CTNNA3: variants seen among roughly 807,000 people sequenced by gnomAD.
The protein encoded by CTNNA3 is catenin alpha 3.
A neutral mutation model predicts 95.7 loss-of-function variants in CTNNA3; 76 were observed. The ratio of observed to expected loss-of-function variants is 0.79; its 90% CI spans 0.66 to 0.96. The LOEUF (loss-of-function observed/expected upper bound fraction) is 0.96, where lower values mean the gene tolerates loss of function less well. Ranked by LOEUF, CTNNA3 falls within the 40% of genes least tolerant of loss-of-function variation. CTNNA3 has a pLI of 0.00. For missense variants in CTNNA3, 1,191 were observed against 1,089.8 expected (o/e 1.09, Z -1.31); for synonymous variants, 431 against 374.4 (o/e 1.15, Z -1.74).
At chr10:66,090,181 A>G (rs2081160956) in intron 14 of CTNNA3, among the ~76,000 whole-genome samples, 1 of 151,980 alleles carries the variant, frequency 6.6e-6, no homozygotes, top group African/African-American at 2.4e-5. Context: ...TCTATAAATT[A>G]ACTAGAAATT....
intron 13 of CTNNA3, among the ~76,000 whole-genome samples, chr10:66,253,385 T>A (rs1316732847): frequency 6.6e-6 from 1 of 152,008 alleles, no homozygotes; most frequent in Admixed American, 6.6e-5. Context: ...TTTCAAGCTT[T>A]GATCATATGT....
intron 11 of CTNNA3, among the ~76,000 whole-genome samples, chr10:66,498,296 A>G (rs1441989825): frequency 1.3e-5 from 2 of 152,104 alleles, no homozygotes; most frequent in East Asian, 3.9e-4. Flanking sequence ...ATAAATATAT[A>G]CTTCCTTATG....
chr10:67,321,654 G>T (rs533732504), intron 5 of CTNNA3, among the ~76,000 whole-genome samples: 51 of 152,220 alleles, frequency 3.4e-4, no homozygotes, highest in Admixed American at 6.5e-4. Context: ...CTCTCTAGAT[G>T]ATCTCAAATG....
At chr10:67,016,783 G>A (rs879458198) in intron 7 of CTNNA3, among the ~76,000 whole-genome samples, 2 of 152,176 alleles carry the variant, frequency 1.3e-5, no homozygotes, top group African/African-American at 4.8e-5. Flanking sequence ...TGCTTTCTTG[G>A]AGATGACAAT....
intron 9 of CTNNA3, among the ~76,000 whole-genome samples, chr10:66,655,609 T>C (rs1388380866): frequency 1.3e-5 from 2 of 152,040 alleles, no homozygotes; most frequent in African/African-American, 4.8e-5. Context: ...AGTCTGGTGA[T>C]AGGATAAGGA....
intron 11 of CTNNA3, among the ~76,000 whole-genome samples, chr10:66,429,953 A>T (rs2093279676): frequency 6.7e-6 from 1 of 150,178 alleles, no homozygotes. Flanking sequence ...GGAAAAGAGG[A>T]AGACAAATTG....
At chr10:66,808,404 A>G (rs975527107) in intron 7 of CTNNA3, among the ~76,000 whole-genome samples, 1 of 152,190 alleles carries the variant, frequency 6.6e-6, no homozygotes, top group African/African-American at 2.4e-5. Context: ...ATATCTGACC[A>G]TACTCAGTGT....
At chr10:66,102,031 C>A (rs931988190) in intron 14 of CTNNA3, among the ~76,000 whole-genome samples, 11 of 151,962 alleles carry the variant, frequency 7.2e-5, no homozygotes, top group African/African-American at 2.7e-4. Context: ...GTTAACCAAA[C>A]GGGTCTTTGC....
Position 67,434,589 on chromosome 10 carries a change from G to A in CTNNA3, c.579+87253C>T, listed in dbSNP as rs528391666. Among the ~76,000 whole-genome samples, 6 of 151,998 alleles carry A rather than the reference G, an allele frequency of 3.9e-5. No individual in the cohort carries two copies. The East Asian group carries it at 1.2e-3, about 29-fold the overall frequency. Reference sequence around the variant, plus strand: ...TATATCCATATATGTGTGTGTCTGTGTGTATATGTTTAAGCCCATTGTAAT... The same window carrying A: ...TATATCCATATATGTGTGTGTCTGTATGTATATGTTTAAGCCCATTGTAAT... On this transcript the variant is annotated intron_variant, in intron 5 of 17. Coordinates refer to ENST00000433211, the MANE Select transcript of CTNNA3 (RefSeq NM_013266.4).
chr10:67,426,592 T>C (rs899001853), intron 5 of CTNNA3, among the ~76,000 whole-genome samples: 1 of 151,812 alleles, frequency 6.6e-6, no homozygotes, highest in Admixed American at 6.6e-5. Context: ...CACTCACAGA[T>C]GGGAATTGAA....
At chr10:67,140,324 A>G (rs1860496151) in intron 7 of CTNNA3, among the ~76,000 whole-genome samples, 1 of 152,130 alleles carries the variant, frequency 6.6e-6, no homozygotes, top group African/African-American at 2.4e-5. Context: ...AATCCATCTG[A>G]GAGTTTAAAC....
intron 10 of CTNNA3, among the ~76,000 whole-genome samples, chr10:66,603,917 C>A (rs1844022386): frequency 6.6e-6 from 1 of 151,814 alleles, no homozygotes; most frequent in Admixed American, 6.6e-5. Flanking sequence ...TCACCATATA[C>A]AAAAATCAAA....
At chr10:67,741,786 G>T (rs942727983) in intron 1 of CTNNA3, among the ~76,000 whole-genome samples, 1 of 151,078 alleles carries the variant, frequency 6.6e-6, no homozygotes, top group African/African-American at 2.4e-5. Flanking sequence ...GACACACATA[G>T]GATCAAAATA....
chr10:66,673,699 G>A (rs181249426), intron 9 of CTNNA3, among the ~76,000 whole-genome samples: 34 of 152,008 alleles, frequency 2.2e-4, no homozygotes, highest in Non-Finnish European at 3.8e-4. Context: ...AATCTTAAAG[G>A]CAATGAAGAT....
intron 1 of CTNNA3, among the ~76,000 whole-genome samples, chr10:67,726,432 C>CTATATAATATTATATATT (rs1841220663): frequency 1.9e-5 from 1 of 51,408 alleles, no homozygotes; most frequent in African/African-American, 1.5e-4. Context: ...TATATTATAT[C>CTATATAATATTATATATT]ATATATAATA....
chr10:67,001,433 A>C (rs1259422110), intron 7 of CTNNA3, among the ~76,000 whole-genome samples: 8 of 151,936 alleles, frequency 5.3e-5, no homozygotes, highest in Admixed American at 5.3e-4. Context: ...AAGGTGAAGT[A>C]GGAGCTGAAG....
chr10:66,465,902 A>T (rs559012254), intron 11 of CTNNA3, among the ~76,000 whole-genome samples: 2 of 152,266 alleles, frequency 1.3e-5, no homozygotes, highest in South Asian at 4.1e-4. Flanking sequence ...TGTGAACAAA[A>T]TTTATTGAAT....
At chr10:66,245,623 T>G (rs2090285547) in intron 13 of CTNNA3, among the ~76,000 whole-genome samples, 2 of 152,126 alleles carry the variant, frequency 1.3e-5, no homozygotes, top group African/African-American at 4.8e-5. Context: ...TGATGAGTGT[T>G]CAGCTCCGAG....
At chr10:66,406,124 G>A (rs1301053743) in intron 11 of CTNNA3, among the ~76,000 whole-genome samples, 1 of 152,084 alleles carries the variant, frequency 6.6e-6, no homozygotes, top group Non-Finnish European at 1.5e-5. Context: ...AATGAAAAAA[G>A]GGATCTGAGA....
Sources: gnomAD v4.1 joint callset for allele counts (sites outside exome capture counted in the v4.1 genomes callset) on GRCh38, gnomAD v4.1.1 for gene constraint, MANE v1.5 for transcripts, NCBI Gene and HGNC (gene_info 2026-07-23, HGNC 2026-07-21) for gene names.